The following CCNH variants were observed in gnomAD, a reference collection of about 807,000 sequenced individuals.
CCNH encodes the protein cyclin-H.
In CCNH, 31 loss-of-function variants were observed where a neutral mutation model predicts 41.9. The observed-to-expected ratio is 0.74, with a 90% CI of 0.56 to 1.00. CCNH has a LOEUF of 1.00. Ranked by LOEUF, CCNH falls within the 50% of genes least tolerant of loss-of-function variation. The pLI is 0.00. For missense variants in CCNH, 362 were observed against 388.4 expected, an observed-to-expected ratio of 0.93 and a Z score of 0.57; for synonymous variants, 138 against 136.1, an observed-to-expected ratio of 1.01 and a Z score of -0.10.
At chr5:87,399,889 T>C (rs756988403) in intron 6 of CCNH, among the ~76,000 whole-genome samples, 4 of 152,190 alleles carry the variant, frequency 2.6e-5, no homozygotes, top group African/African-American at 4.8e-5. Flanking sequence ...TTCTATTCCA[T>C]AGACAGTGGG....
At chr5:87,361,200 G>A (rs1234918250) in intron 9 of CCNH, among the ~76,000 whole-genome samples, 1 of 152,188 alleles carries the variant, frequency 6.6e-6, no homozygotes, top group Non-Finnish European at 1.5e-5. Context: ...TAGGGAATGA[G>A]CATGGCTGTG....
At chr5:87,337,399 C>A (rs1758052687) in intron 9 of CCNH, among the ~76,000 whole-genome samples, 1 of 151,858 alleles carries the variant, frequency 6.6e-6, no homozygotes, top group African/African-American at 2.4e-5. Context: ...AATGCTGTAC[C>A]CATTGGATAA....
chr5:87,392,865 G>A (rs1762617590), downstream of CCNH: 1 of 153,998 alleles, frequency 6.5e-6, no homozygotes, highest in Admixed American at 6.5e-5. Flanking sequence ...AATTTTCAGT[G>A]ATAAGTGTGG....
upstream of CCNH, chr5:87,380,635 A>T (rs755503551): frequency 6.7e-7 from 1 of 1,502,906 alleles, no homozygotes; most frequent in Admixed American, 1.7e-5. Flanking sequence ...ACATACTAAT[A>T]GGTGGATAAT....
At chr5:87,400,316 C>T (rs866690235) in intron 6 of CCNH, among the ~76,000 whole-genome samples, 4 of 152,146 alleles carry the variant, frequency 2.6e-5, no homozygotes, top group African/African-American at 9.7e-5. Flanking sequence ...TTACAAATAT[C>T]TTAGTAGCAT....
intron 4 of CCNH, 35 bp downstream of exon 4, chr5:87,407,941 G>T: frequency 7.0e-7 from 1 of 1,419,688 alleles, no homozygotes; most frequent in Non-Finnish European, 1.0e-6. Context: ...TAGGAAAGGA[G>T]AATGTAGTAT....
At chr5:87,313,445 GT>G (rs771963375), downstream of CCNH, among the ~76,000 whole-genome samples, 3 of 152,192 alleles carry the variant, frequency 2.0e-5, no homozygotes, top group Non-Finnish European at 4.4e-5. Context: ...TCATTCTCCA[GT>G]TTGGCTAGAT....
chr5:87,357,856 G>GC (rs1410901545), intron 9 of CCNH, among the ~76,000 whole-genome samples: 1 of 152,302 alleles, frequency 6.6e-6, no homozygotes, highest in East Asian at 1.9e-4. Flanking sequence ...TTGCAGAAGT[G>GC]CCTATAATGC....
chr5:87,326,307 A>G (rs1757225924), intron 9 of CCNH, among the ~76,000 whole-genome samples: 1 of 152,162 alleles, frequency 6.6e-6, no homozygotes. Context: ...ATGTGATTCC[A>G]AATTTAAAAT....
At position 87,406,481 on chromosome 5, in the gene CCNH, T is replaced by C. The variant is rs3093797; in HGVS notation, c.526-1474A>G. Among the ~76,000 whole-genome samples, 93 of 152,280 alleles carry C rather than the reference T, an allele frequency of 6.1e-4. No individual in the cohort carries two copies. In the Middle Eastern group the frequency reaches 0.01, roughly 17 times the overall value. ...CTATTGATTCTACCTAACTACAGGCTAAGCATCACAAATCCAAAAAATTCA... is the reference window on the plus strand; with the variant it reads ...CTATTGATTCTACCTAACTACAGGCCAAGCATCACAAATCCAAAAAATTCA... On this transcript the variant is annotated intron_variant, in intron 4 of 8. Transcript: ENST00000256897.
intron 9 of CCNH, among the ~76,000 whole-genome samples, chr5:87,323,522 G>A (rs932676226): frequency 6.6e-6 from 1 of 152,110 alleles, no homozygotes; most frequent in African/African-American, 2.4e-5. Flanking sequence ...TGTTCTTTGA[G>A]GCATATTTCA....
chr5:87,377,335 T>C (rs1761394659), upstream of CCNH, among the ~76,000 whole-genome samples: 1 of 152,098 alleles, frequency 6.6e-6, no homozygotes, highest in African/African-American at 2.4e-5. Context: ...TGTATTCTCT[T>C]GTTTTTTATT....
At position 87,362,721 on chromosome 5, in the gene CCNH, A is replaced by G. The variant is rs368078512; in HGVS notation, c.*90+30049T>C. 1.3e-4 allele frequency: 211 copies of G among 1,570,488 alleles called. 1 individual carries two copies. The highest frequency in any genetic ancestry group is 1.0e-3 in the Middle Eastern group (6 of 5,946). ...CCCATTTGATAGAGACGTTGTAAAT[A>G]TGGAGCTCCGAACTTATTGTGATAT... On this transcript the variant is annotated intron_variant and NMD_transcript_variant, in intron 9 of 9. Coordinates refer to the CCNH transcript ENST00000645953.
rs1473360844 is a variant in CCNH at position 87,404,845 on chromosome 5, T to C, written c.688A>G (p.Ser230Gly). Residue 230 changes from serine to glycine, a missense_variant and splice_region_variant, in exon 5 of 9, where the codon AGT (serine) becomes GGT (glycine). Coordinates refer to ENST00000256897, the MANE Select transcript of CCNH (RefSeq NM_001239.4). Reference sequence around the variant, plus strand: ...CTAAGTTAAAAAACTAATTAATACCTTTCCATAGTAATTCCAGCCCTGGAG... The same window carrying C: ...CTAAGTTAAAAAACTAATTAATACCCTTCCATAGTAATTCCAGCCCTGGAG... ...SASRAGITME[S>G]YLSESLMLKE... 6.2e-7 allele frequency: 1 copy of C among 1,602,130 alleles called. No individual in the cohort carries two copies. The highest frequency in any genetic ancestry group is 1.1e-5 in the South Asian group (1 of 88,572).
At chr5:87,367,481 C>T (rs1372967596) in intron 9 of CCNH, among the ~76,000 whole-genome samples, 3 of 152,134 alleles carry the variant, frequency 2.0e-5, no homozygotes, top group African/African-American at 4.8e-5. Context: ...TGATGCTGAA[C>T]GAATGTTGGA....
chr5:87,347,035 A>C (rs1402585542), intron 9 of CCNH, among the ~76,000 whole-genome samples: 2 of 151,910 alleles, frequency 1.3e-5, no homozygotes, highest in Non-Finnish European at 2.9e-5. Context: ...TCTCACCCCT[A>C]CACATACACA....
downstream of CCNH, chr5:87,374,914 T>C: frequency 1.2e-6 from 2 of 1,605,738 alleles, no homozygotes; most frequent in Non-Finnish European, 1.7e-6. Context: ...GATCCTGATA[T>C]CTGTAAGTTG....
chr5:87,403,523 AC>A (rs1347758610), intron 5 of CCNH, among the ~76,000 whole-genome samples: 4 of 152,148 alleles, frequency 2.6e-5, no homozygotes, highest in Admixed American at 6.6e-5. Context: ...TGCACCTGTC[AC>A]CCCAGCACTT....
chr5:87,323,825 A>C (rs1757008295), intron 9 of CCNH, among the ~76,000 whole-genome samples: 1 of 151,826 alleles, frequency 6.6e-6, no homozygotes. Context: ...TTTAGGTCTC[A>C]GTTTAGCCAT....
Sources: gnomAD v4.1 joint callset for allele counts (sites outside exome capture counted in the v4.1 genomes callset) on GRCh38, gnomAD v4.1.1 for gene constraint, MANE v1.5 for transcripts, NCBI Gene and HGNC (gene_info 2026-07-23, HGNC 2026-07-21) for gene names.